EDIL3: variants seen among roughly 807,000 people sequenced by gnomAD.
EDIL3 encodes the protein EGF-like repeat and discoidin I-like domain-containing protein 3.
Under a neutral mutation model 67.4 loss-of-function variants are expected in EDIL3, and 37 were observed. The observed-to-expected ratio is 0.55, with a 90% CI of 0.42 to 0.72. The LOEUF (loss-of-function observed/expected upper bound fraction) is 0.72. EDIL3 is among the 30% of genes least tolerant of loss of function. The pLI is 0.00. For missense variants in EDIL3, 527 were observed against 586.3 expected, an observed-to-expected ratio of 0.90 and a Z score of 1.04; for synonymous variants, 195 against 196.3, an observed-to-expected ratio of 0.99 and a Z score of 0.05.
intron 6 of EDIL3, among the ~76,000 whole-genome samples, chr5:84,094,068 C>A (rs1747217054): frequency 1.3e-5 from 2 of 152,128 alleles, no homozygotes; most frequent in African/African-American, 4.8e-5. Flanking sequence ...AAAAGGCAAG[C>A]AATACAATAT....
intron 9 of EDIL3, among the ~76,000 whole-genome samples, chr5:84,011,640 T>G (rs773269262): frequency 6.6e-6 from 1 of 152,150 alleles, no homozygotes. Flanking sequence ...TGCATACCTC[T>G]CCAATGTCAT....
intron 4 of EDIL3, among the ~76,000 whole-genome samples, chr5:84,163,507 C>A (rs1036449787): frequency 2.6e-5 from 4 of 151,760 alleles, no homozygotes; most frequent in African/African-American, 7.3e-5. Context: ...CATATAAGAC[C>A]ATCAATGCAA....
intron 3 of EDIL3, among the ~76,000 whole-genome samples, chr5:84,228,915 C>G (rs1037337197): frequency 6.6e-6 from 1 of 152,084 alleles, no homozygotes; most frequent in African/African-American, 2.4e-5. Flanking sequence ...AAGCACCATT[C>G]TGACCATTAA....
chr5:83,961,558 T>G (rs1007065507), intron 10 of EDIL3, among the ~76,000 whole-genome samples: 1 of 151,254 alleles, frequency 6.6e-6, no homozygotes, highest in African/African-American at 2.4e-5. Context: ...CCTAAACTAA[T>G]CTATATAAAG....
intron 1 of EDIL3, among the ~76,000 whole-genome samples, chr5:84,344,085 A>C (rs1747185251): frequency 6.6e-6 from 1 of 152,142 alleles, no homozygotes; most frequent in Non-Finnish European, 1.5e-5. Context: ...AGTCGATGGT[A>C]GCAGAGGTTC....
intron 10 of EDIL3, among the ~76,000 whole-genome samples, chr5:83,949,929 G>C (rs751063047): frequency 6.6e-6 from 1 of 151,804 alleles, no homozygotes; most frequent in Non-Finnish European, 1.5e-5. Flanking sequence ...TTTACAGTGG[G>C]GTCTTCAGGT....
chr5:84,050,277 A>G (rs1746308649), intron 9 of EDIL3, among the ~76,000 whole-genome samples: 2 of 151,932 alleles, frequency 1.3e-5, no homozygotes, highest in Non-Finnish European at 2.9e-5. Context: ...TATAGAAGTG[A>G]GTAGATGAAA....
Position 84,186,831 on chromosome 5 carries a change from A to G in EDIL3, c.227-6310T>C, listed in dbSNP as rs185634441. Among the ~76,000 whole-genome samples the G allele has an allele frequency of 8.0e-3, 1,225 of 152,188 alleles. 5 individuals are homozygous for G. The highest frequency in any genetic ancestry group is 0.026 in the South Asian group (126 of 4,832). On this transcript the variant is annotated intron_variant, in intron 3 of 10. Transcript: ENST00000296591. ...AAATGAGTATTATTCAACCACTCAG[A>G]GCTTGTAAAACAAAAAGATAGAAGA...
chr5:84,022,247 A>G (rs905978241), intron 9 of EDIL3, among the ~76,000 whole-genome samples: 12 of 151,950 alleles, frequency 7.9e-5, no homozygotes, highest in African/African-American at 2.9e-4. Flanking sequence ...AGGGATGCAA[A>G]GATTTATAAT....
chr5:84,085,929 C>G (rs1318970885), intron 6 of EDIL3, among the ~76,000 whole-genome samples: 1 of 152,208 alleles, frequency 6.6e-6, no homozygotes, highest in Admixed American at 6.5e-5. Context: ...CTGGCCACAG[C>G]TGCTTTGCCG....
At chr5:84,225,546 GA>G (rs969934219) in intron 3 of EDIL3, among the ~76,000 whole-genome samples, 4 of 151,306 alleles carry the variant, frequency 2.6e-5, no homozygotes, top group Non-Finnish European at 4.4e-5. Context: ...CCATTGTAAA[GA>G]AAAAAATCCA....
At chr5:84,141,928 T>TATATATATATATATATACAC (rs1748200269) in intron 4 of EDIL3, among the ~76,000 whole-genome samples, 1 of 121,308 alleles carries the variant, frequency 8.2e-6, no homozygotes, top group Admixed American at 8.7e-5. Flanking sequence ...TATATACACA[T>TATATATATATATATATACAC]ATATATATAT....
At position 83,952,340 on chromosome 5, in the gene EDIL3, A is replaced by G. The variant is rs78417749; in HGVS notation, c.1294-8772T>C. Among the ~76,000 whole-genome samples, 1,518 of 151,956 alleles carry G rather than the reference A, an allele frequency of 1.0e-2. 14 individuals carry two copies. Among genetic ancestry groups the G allele is most frequent in the Admixed American group, 0.02 (311 of 15,234 alleles). The stretch of plus-strand genomic sequence containing the variant: ...ATGAAAGTCTCCTTAAGTAATGACA[A>G]TATCTTAGGAAATATATCACATAGG... On this transcript the variant is annotated intron_variant, in intron 10 of 10. Transcript: ENST00000296591.
chr5:84,270,451 T>G (rs1330379395), intron 1 of EDIL3, among the ~76,000 whole-genome samples: 1 of 150,764 alleles, frequency 6.6e-6, no homozygotes, highest in Non-Finnish European at 1.5e-5. Flanking sequence ...CATCTGTCAG[T>G]AAATTTATTG....
rs562911222 is a variant in EDIL3 at position 84,098,180 on chromosome 5, A to G, written c.651+8469T>C. ...AGTTATGAGCATTGTGGTACTATTA[A>G]TAATTGCATGCTGAACATATAAATG... is the stretch of plus-strand genomic sequence containing the variant. On this transcript the variant is annotated intron_variant, in intron 6 of 10. Transcript: ENST00000296591. Among the ~76,000 whole-genome samples, 5 of 152,220 alleles carry G rather than the reference A, an allele frequency of 3.3e-5. No individual in the cohort carries two copies. The South Asian group carries it at 1.0e-3, about 32-fold the overall frequency.
intron 9 of EDIL3, among the ~76,000 whole-genome samples, chr5:84,004,557 T>C (rs1025068499): frequency 3.3e-5 from 5 of 152,026 alleles, no homozygotes; most frequent in Admixed American, 1.3e-4. Context: ...TAAAATTACA[T>C]GGAAATTAAA....
rs753815487 is a variant in EDIL3, at chr5:84,229,883, T to C, written c.198A>G (p.Ala66=). ...CTGAAGTTGGTTCTTCTTCATCTGATGCTATGATAAGAGGAAAAGGTGAAA... is the reference window on the plus strand; with the variant it reads ...CTGAAGTTGGTTCTTCTTCATCTGACGCTATGATAAGAGGAAAAGGTGAAA... ...DPNCSSVVEV[A]SDEEEPTSAG... Residue 66 remains alanine, a splice_region_variant and synonymous_variant, in exon 3 of 11, where the codon GCA becomes GCG. Transcript: ENST00000296591. 1.3e-6 allele frequency: 2 copies of C among 1,597,154 alleles called. No homozygotes were observed. The highest frequency in any genetic ancestry group is 2.2e-5 in the South Asian group (2 of 89,290).
At chr5:84,104,918 T>C (rs548363669) in intron 6 of EDIL3, among the ~76,000 whole-genome samples, 2 of 152,046 alleles carry the variant, frequency 1.3e-5, no homozygotes, top group African/African-American at 4.8e-5. Context: ...ACTTATGGTT[T>C]ATAGAAAGAT....
At chr5:84,163,637 A>G (rs1317016527) in intron 4 of EDIL3, among the ~76,000 whole-genome samples, 3 of 152,148 alleles carry the variant, frequency 2.0e-5, no homozygotes, top group African/African-American at 7.2e-5. Context: ...CAGCCATGCT[A>G]GGTCAATCTA....
Sources: gnomAD v4.1 joint callset for allele counts (sites outside exome capture counted in the v4.1 genomes callset) on GRCh38, gnomAD v4.1.1 for gene constraint, MANE v1.5 for transcripts, NCBI Gene and HGNC (gene_info 2026-07-23, HGNC 2026-07-21) for gene names.